The following PRDM16 variants were observed in gnomAD, a reference collection of about 807,000 sequenced individuals.
The protein encoded by PRDM16 is histone-lysine N-methyltransferase PRDM16.
A neutral mutation model predicts 110.6 loss-of-function variants in PRDM16; 23 were observed. That is an observed-to-expected ratio of 0.21 (90% CI 0.15 to 0.29). The LOEUF is 0.29. Ranked by LOEUF, PRDM16 falls within the 10% of genes least tolerant of loss-of-function variation. The pLI, the probability that PRDM16 is intolerant of heterozygous loss-of-function variation, is 1.00. For synonymous variants in PRDM16, 799 were observed against 781.8 expected (o/e 1.02, Z -0.37); for missense variants, 1,615 against 1,794.3 (o/e 0.90, Z 1.81).
intron 2 of PRDM16, among the ~76,000 whole-genome samples, chr1:3,228,217 A>C (rs1357503893): frequency 6.6e-6 from 1 of 152,238 alleles, no homozygotes; most frequent in Admixed American, 6.5e-5. Context: ...TTTCCAGAAA[A>C]GAGAAGCAAA....
rs1398081520 is a variant in PRDM16, at chr1:3,246,060, C to G, written c.438+1923C>G. Among the ~76,000 whole-genome samples, 1 of 152,094 alleles carries G rather than the reference C, an allele frequency of 6.6e-6. No homozygotes were observed. Among genetic ancestry groups the G allele is most frequent in the African/African-American group, 2.4e-5 (1 of 41,394 alleles). ...AAGTCAGAAGGTCAAAAGGTCAAGT[C>G]TAGATTTAAAGGGCCCGGGGGAGGC... is the stretch of plus-strand genomic sequence containing the variant. On this transcript the variant is annotated intron_variant, in intron 3 of 16. Coordinates refer to ENST00000270722, the MANE Select transcript of PRDM16 (RefSeq NM_022114.4). This position sits in a 1 kb window ranked among gnomAD's most constrained non-coding sequence, Gnocchi z 5.2.
intron 3 of PRDM16, among the ~76,000 whole-genome samples, chr1:3,278,685 G>A (rs1000124016): frequency 2.6e-5 from 4 of 152,166 alleles, no homozygotes; most frequent in Admixed American, 6.5e-5. Flanking sequence ...GGTCTGGTTC[G>A]GCTAGGGTAT....
chr1:3,126,876 C>T (rs1406957097), intron 1 of PRDM16, among the ~76,000 whole-genome samples: 5 of 152,160 alleles, frequency 3.3e-5, no homozygotes, highest in African/African-American at 1.2e-4. Context: ...GCTCTGGTGT[C>T]AGGCCCGGGC....
chr1:3,113,339 C>A (rs1642837738), intron 1 of PRDM16, among the ~76,000 whole-genome samples: 1 of 152,142 alleles, frequency 6.6e-6, no homozygotes, highest in East Asian at 1.9e-4. Flanking sequence ...GGGATTGTGA[C>A]CCTGGAACAC....
intron 1 of PRDM16, among the ~76,000 whole-genome samples, chr1:3,119,302 C>T (rs1193967690): frequency 4.6e-5 from 7 of 152,254 alleles, no homozygotes; most frequent in Non-Finnish European, 7.3e-5. Flanking sequence ...ATTCTTTGTG[C>T]GGCCAGGCGG....
chr1:3,214,820 G>A (rs1407169923), intron 2 of PRDM16, among the ~76,000 whole-genome samples: 1 of 152,204 alleles, frequency 6.6e-6, no homozygotes, highest in Admixed American at 6.5e-5. Flanking sequence ...TGGGGAGATG[G>A]TTACAATGAG....
At chr1:3,312,441 T>TCCTGGAGGCTGGCCGCCCA (rs1012626899) in intron 3 of PRDM16, among the ~76,000 whole-genome samples, 10 of 152,200 alleles carry the variant, frequency 6.6e-5, no homozygotes, top group African/African-American at 2.2e-4. Context: ...CCGAGGTCTG[T>TCCTGGAGGCTGGCCGCCCA]CCTGGAGGCT....
intron 3 of PRDM16, among the ~76,000 whole-genome samples, chr1:3,273,214 G>A (rs1298812053): frequency 6.6e-6 from 1 of 152,172 alleles, no homozygotes; most frequent in East Asian, 1.9e-4. Context: ...ATCCCCCAAC[G>A]CTGGTTTCTT....
chr1:3,091,255 G>C (rs984407981), intron 1 of PRDM16, among the ~76,000 whole-genome samples: 3 of 152,232 alleles, frequency 2.0e-5, no homozygotes, highest in African/African-American at 7.2e-5. Flanking sequence ...CTGAAACCCA[G>C]GGTATGCGGA....
intron 1 of PRDM16, among the ~76,000 whole-genome samples, chr1:3,109,947 CTCCCCTATGTCCTGGG>C (rs1642746773): frequency 6.6e-6 from 1 of 151,614 alleles, no homozygotes; most frequent in Non-Finnish European, 1.5e-5. Context: ...TGCTCGGGGG[CTCCCCTATGTCCTGGG>C]TGTGGGGACA....
intron 2 of PRDM16, among the ~76,000 whole-genome samples, chr1:3,220,006 C>A (rs1334814571): frequency 1.3e-5 from 2 of 152,184 alleles, no homozygotes; most frequent in African/African-American, 4.8e-5. Context: ...AATAATGAGC[C>A]TCTCCTGAAA....
At chr1:3,317,056 G>T (rs542963061) in intron 3 of PRDM16, among the ~76,000 whole-genome samples, 1 of 152,316 alleles carries the variant, frequency 6.6e-6, no homozygotes, top group East Asian at 1.9e-4. Context: ...ACTCAGTGTA[G>T]CCAGAAAACA....
chr1:3,119,781 G>C (rs1643049013), intron 1 of PRDM16, among the ~76,000 whole-genome samples: 1 of 152,190 alleles, frequency 6.6e-6, no homozygotes, highest in South Asian at 2.1e-4. Context: ...TAAGTGTTTG[G>C]AATTGCTGCA....
chr1:3,359,376 G>A lies in PRDM16; in HGVS notation c.439-25776G>A, dbSNP rs1339494604. Among the ~76,000 whole-genome samples the A allele has an allele frequency of 6.6e-6, 1 of 152,154 alleles. No homozygotes were observed. The highest frequency in any genetic ancestry group is 1.9e-4 in the East Asian group (1 of 5,188). ...TCAGAACTATCAGGGTCTCCCTTCCGACCAGGGCCTGAGGCAGAGCTTCCA... is the reference window on the plus strand; with the variant it reads ...TCAGAACTATCAGGGTCTCCCTTCCAACCAGGGCCTGAGGCAGAGCTTCCA... On this transcript the variant is annotated intron_variant, in intron 3 of 16. Transcript: ENST00000270722. This position sits in a 1 kb window ranked among gnomAD's most constrained non-coding sequence, Gnocchi z 4.3.
intron 1 of PRDM16, among the ~76,000 whole-genome samples, chr1:3,122,849 C>A (rs1029355304): frequency 6.6e-6 from 1 of 152,166 alleles, no homozygotes; most frequent in South Asian, 2.1e-4. Context: ...TCTAGGGAGG[C>A]GGCGGCTGGG....
intron 2 of PRDM16, among the ~76,000 whole-genome samples, chr1:3,204,920 T>C (rs898058867): frequency 6.6e-6 from 1 of 152,022 alleles, no homozygotes; most frequent in Non-Finnish European, 1.5e-5. Context: ...GCCGGGACAA[T>C]GTGCTCCGAA....
intron 2 of PRDM16, among the ~76,000 whole-genome samples, chr1:3,237,648 T>C (rs2100899951): frequency 1.3e-5 from 2 of 152,354 alleles, no homozygotes; most frequent in East Asian, 3.9e-4. Context: ...GGAAGAGCAG[T>C]GCCCATTCAA....
At chr1:3,262,506 G>C (rs534386728) in intron 3 of PRDM16, among the ~76,000 whole-genome samples, 8 of 152,336 alleles carry the variant, frequency 5.3e-5, no homozygotes, top group Non-Finnish European at 1.0e-4. Context: ...CGGGAGGCGT[G>C]GTTGGCCAGA....
chr1:3,251,891 T>C (rs940083023), intron 3 of PRDM16, among the ~76,000 whole-genome samples: 6 of 152,188 alleles, frequency 3.9e-5, no homozygotes, highest in Admixed American at 6.5e-5. Flanking sequence ...CTCTTCTGCT[T>C]TAAACACGAA....
Sources: allele counts gnomAD v4.1 joint callset (sites outside exome capture counted in the v4.1 genomes callset), GRCh38; gene constraint gnomAD v4.1.1; non-coding constraint Gnocchi (gnomAD v3.1); transcripts MANE v1.5; gene names NCBI Gene and HGNC (gene_info 2026-07-23, HGNC 2026-07-21).